The following JCAD variants were observed in gnomAD, a reference collection of about 807,000 sequenced individuals.
JCAD encodes the protein junctional cadherin 5-associated protein.
In JCAD, 40 loss-of-function variants were observed where a neutral mutation model predicts 98.0. The observed-to-expected ratio is 0.41, with a 90% CI of 0.32 to 0.53. The LOEUF (loss-of-function observed/expected upper bound fraction) is 0.53. Among genes scored for constraint, JCAD ranks in the 20% least tolerant of loss-of-function variants. JCAD has a pLI of 0.31. For synonymous variants in JCAD, 691 were observed against 682.3 expected, an observed-to-expected ratio of 1.01 and a Z score of -0.20; for missense variants, 1,705 against 1,738.1, an observed-to-expected ratio of 0.98 and a Z score of 0.34.
In JCAD at chr10:30,014,705, T is replaced by G. The variant is rs1836499349; in HGVS notation, c.*3178A>C. 1 of 152,196 alleles carries G rather than the reference T, an allele frequency of 6.6e-6. No homozygotes were observed. Among genetic ancestry groups the G allele is most frequent in the Non-Finnish European group, 1.5e-5 (1 of 68,024 alleles). The allele number at this position is 152,196 out of a possible 1,614,324, so 9.4% of individuals were successfully genotyped here. On this transcript the variant is annotated 3_prime_UTR_variant, in exon 4 of 4. Transcript: ENST00000375377. ...GAGATGCTGTCAGAATAAGTCATTT[T>G]GCTGCTGCAAAAAATGATCACAGTC...
chr10:30,092,126 A>ATATATATATATATATATATATATAT (rs1491284119), intron 1 of JCAD, among the ~76,000 whole-genome samples: 2 of 107,114 alleles, frequency 1.9e-5, no homozygotes, highest in Non-Finnish European at 3.5e-5. Flanking sequence ...ATATATATAT[A>ATATATATATATATATATATATATAT]AAAAACATTT....
chr10:30,044,919 T>C (rs923475635), intron 2 of JCAD: 17 of 349,844 alleles, frequency 4.9e-5, no homozygotes, highest in Non-Finnish European at 6.8e-5. Context: ...CAAACATGTA[T>C]GCATTTGCTA....
chr10:30,089,089 T>C (rs1838214055), intron 1 of JCAD, among the ~76,000 whole-genome samples: 1 of 152,204 alleles, frequency 6.6e-6, no homozygotes, highest in African/African-American at 2.4e-5. Context: ...TAAATCCCTC[T>C]TAGGTTCTAT....
At chr10:30,022,723 T>G (rs532148666) in intron 3 of JCAD, among the ~76,000 whole-genome samples, 1 of 152,330 alleles carries the variant, frequency 6.6e-6, no homozygotes, top group African/African-American at 2.4e-5. Context: ...AACAACATCT[T>G]GGTCAATGAC....
At chr10:30,049,409 G>A (rs1200946631) in intron 1 of JCAD, among the ~76,000 whole-genome samples, 1 of 152,156 alleles carries the variant, frequency 6.6e-6, no homozygotes, top group Non-Finnish European at 1.5e-5. Flanking sequence ...GCTCTTACTC[G>A]GGTCTGTCGC....
chr10:30,081,170 A>G (rs1178232334), intron 1 of JCAD, among the ~76,000 whole-genome samples: 1 of 152,224 alleles, frequency 6.6e-6, no homozygotes, highest in Non-Finnish European at 1.5e-5. Flanking sequence ...GGGATAAGAC[A>G]TTATTGACAC....
At chr10:30,057,905 G>A (rs890591368) in intron 1 of JCAD, among the ~76,000 whole-genome samples, 3 of 152,148 alleles carry the variant, frequency 2.0e-5, no homozygotes, top group African/African-American at 4.8e-5. Flanking sequence ...AATGTCACAC[G>A]AAAACCAACA....
chr10:30,034,448 C>A (rs746496845), intron 2 of JCAD, among the ~76,000 whole-genome samples: 2 of 152,056 alleles, frequency 1.3e-5, no homozygotes, highest in African/African-American at 4.8e-5. Context: ...GTCTTAACAC[C>A]GGGCACGGTA....
intron 1 of JCAD, among the ~76,000 whole-genome samples, chr10:30,092,096 C>T (rs1287444136): frequency 5.3e-3 from 33 of 6,248 alleles, no homozygotes; most frequent in Admixed American, 6.3e-3. Context: ...TATAAAGTTA[C>T]TTTATATATA....
chr10:30,075,338 C>T (rs543454830), intron 1 of JCAD, among the ~76,000 whole-genome samples: 1 of 152,298 alleles, frequency 6.6e-6, no homozygotes, highest in South Asian at 2.1e-4. Context: ...TTACATATTG[C>T]TTCCAACATG....
intron 3 of JCAD, 117 bp downstream of exon 3, chr10:30,025,986 G>C: frequency 8.5e-7 from 1 of 1,175,722 alleles, no homozygotes; most frequent in Non-Finnish European, 1.2e-6. Context: ...CAATTCCCAG[G>C]GTCAACTTGA....
chr10:30,027,595 G>GCTA lies in JCAD; in HGVS notation c.2550_2552dup (p.Ser859dup), dbSNP rs779834117. 1.1e-5 allele frequency: 18 copies of GCTA among 1,614,160 alleles called. No homozygotes were observed. Among genetic ancestry groups the GCTA allele is most frequent in the Non-Finnish European group, 1.5e-5 (18 of 1,180,026 alleles). Reference sequence around the variant, plus strand: ...CACTGCTGCTGCTGCTGCTGCTGCTGCTACTGCTGCTTTCTTCCTCTTCCT... The same window carrying GCTA: ...CACTGCTGCTGCTGCTGCTGCTGCTGCTACTACTGCTGCTTTCTTCCTCTTCCT... On this transcript the variant is annotated inframe_insertion, in exon 3 of 4. Transcript: ENST00000375377.
rs184709346 is a variant in JCAD, at chr10:30,096,760, C to T, written n.128+18607G>A. Reference sequence around the variant, plus strand: ...ATGTCTCAAATAGATTAAGGCTGCACGACACGTGTGTGACTTGTATTCTAT... The same window carrying T: ...ATGTCTCAAATAGATTAAGGCTGCATGACACGTGTGTGACTTGTATTCTAT... On this transcript the variant is annotated intron_variant and non_coding_transcript_variant, in intron 1 of 2. Transcript: ENST00000465712. 9.0e-4 allele frequency among the ~76,000 whole-genome samples: 137 copies of T among 152,022 alleles called. 1 individual carries two copies. The highest frequency in any genetic ancestry group is 1.4e-3 in the Non-Finnish European group (93 of 67,994).
At chr10:30,103,154 G>C (rs1251280346) in intron 1 of JCAD, among the ~76,000 whole-genome samples, 1 of 152,044 alleles carries the variant, frequency 6.6e-6, no homozygotes, top group African/African-American at 2.4e-5. Flanking sequence ...TTTAATGCTG[G>C]GTAATATTCC....
chr10:30,084,781 G>GTATCTATC (rs61201965), intron 1 of JCAD, among the ~76,000 whole-genome samples: 9,987 of 146,768 alleles, frequency 0.068, 343 homozygotes, highest in Middle Eastern at 0.09. Flanking sequence ...AATCAAATCT[G>GTATCTATC]TATCTATCTA....
intron 2 of JCAD, among the ~76,000 whole-genome samples, chr10:30,033,936 A>G (rs2066332): frequency 0.28 from 42,705 of 152,194 alleles, 6,800 homozygotes; most frequent in Middle Eastern, 0.39. Context: ...CAAACTCTGT[A>G]TCCAAGGCCG....
intron 1 of JCAD, among the ~76,000 whole-genome samples, chr10:30,106,004 C>T (rs1838572638): frequency 1.3e-5 from 2 of 152,204 alleles, no homozygotes; most frequent in South Asian, 4.1e-4. Context: ...TAGGAAGGAA[C>T]ACAGCACTCC....
intron 1 of JCAD, among the ~76,000 whole-genome samples, chr10:30,097,769 T>A (rs569309858): frequency 2.6e-5 from 4 of 151,336 alleles, no homozygotes; most frequent in African/African-American, 9.7e-5. Context: ...TCTCAAAAAA[T>A]AAATAAATAA....
Position 30,029,189 on chromosome 10 carries a change from T to G in JCAD, c.959A>C (p.Asp320Ala). Reference sequence around the variant, plus strand: ...GAGCTCATGCCTGGGGACATAGGCGTCCATCTGCTGGCTGTCCTGAGAGTC... The same window carrying G: ...GAGCTCATGCCTGGGGACATAGGCGGCCATCTGCTGGCTGTCCTGAGAGTC... Reference protein sequence around the residue: ...SSDSQDSQQMDAYVPRHELCL... With the variant: ...SSDSQDSQQMAAYVPRHELCL... Residue 320 changes from aspartate to alanine, a missense_variant, in exon 3 of 4, where the codon GAC becomes GCC. Coordinates refer to ENST00000375377, the MANE Select transcript of JCAD (RefSeq NM_020848.4). The G allele has an allele frequency of 6.2e-7, 1 of 1,614,100 alleles. No homozygotes were observed. Among genetic ancestry groups the G allele is most frequent in the Non-Finnish European group, 8.5e-7 (1 of 1,180,036 alleles).
Sources: gnomAD v4.1 joint callset for allele counts (sites outside exome capture counted in the v4.1 genomes callset) on GRCh38, gnomAD v4.1.1 for gene constraint, MANE v1.5 for transcripts, NCBI Gene and HGNC (gene_info 2026-07-23, HGNC 2026-07-21) for gene names.